Variants in TMEM117 observed in about 807,000 individuals in gnomAD.
TMEM117 encodes the protein transmembrane protein 117.
Under a neutral mutation model 52.4 loss-of-function variants are expected in TMEM117, and 27 were observed. The observed-to-expected ratio is 0.51, with a 90% CI of 0.38 to 0.71. TMEM117 has a LOEUF of 0.71. Ranked by LOEUF, TMEM117 falls within the 30% of genes least tolerant of loss-of-function variation. The pLI is 0.00. For synonymous variants in TMEM117, 215 were observed against 206.3 expected, an observed-to-expected ratio of 1.04 and a Z score of -0.36; for missense variants, 556 against 630.5, an observed-to-expected ratio of 0.88 and a Z score of 1.26.
At chr12:43,834,885 A>G (rs1224904845), upstream of TMEM117, among the ~76,000 whole-genome samples, 1 of 152,154 alleles carries the variant, frequency 6.6e-6, no homozygotes. Flanking sequence ...ATGCAGATAA[A>G]CTACCCTATG....
intron 2 of TMEM117, among the ~76,000 whole-genome samples, chr12:43,858,634 T>C (rs1943438440): frequency 6.6e-6 from 1 of 152,230 alleles, no homozygotes; most frequent in Non-Finnish European, 1.5e-5. Context: ...ATTCTTAGGC[T>C]ACTCCATGCT....
At chr12:43,912,156 A>C (rs1944515010) in intron 2 of TMEM117, among the ~76,000 whole-genome samples, 1 of 150,412 alleles carries the variant, frequency 6.6e-6, no homozygotes, top group Non-Finnish European at 1.5e-5. Context: ...ACCATGGAAT[A>C]CTATGCAGCC....
intron 3 of TMEM117, among the ~76,000 whole-genome samples, chr12:44,105,845 A>G (rs924736196): frequency 1.3e-5 from 2 of 152,042 alleles, no homozygotes; most frequent in Admixed American, 6.6e-5. Context: ...GCGCTCTGTC[A>G]TATTCCAAAA....
At chr12:43,895,041 C>T (rs1944174944) in intron 2 of TMEM117, among the ~76,000 whole-genome samples, 2 of 152,160 alleles carry the variant, frequency 1.3e-5, no homozygotes, top group South Asian at 4.1e-4. Context: ...AGATTTGTTA[C>T]ATAAGTAAAC....
At chr12:44,089,929 T>C (rs1010896126) in intron 3 of TMEM117, among the ~76,000 whole-genome samples, 1 of 152,188 alleles carries the variant, frequency 6.6e-6, no homozygotes, top group Non-Finnish European at 1.5e-5. Context: ...GTAATAATTA[T>C]TAACAAAGGA....
chr12:44,353,904 C>T lies in TMEM117; in HGVS notation c.769-22691C>T, dbSNP rs1160017594. On this transcript the variant is annotated intron_variant, in intron 6 of 7. Transcript: ENST00000266534. ...ACCTTGGGCAGTATGCCCATTTTCA[C>T]GATATTGATTCTTCCTACCCATGAG... Among the ~76,000 whole-genome samples the T allele has an allele frequency of 5.3e-5, 8 of 152,264 alleles. No individual in the cohort carries two copies. In the South Asian group the frequency reaches 1.2e-3, roughly 24 times the overall value.
At chr12:44,152,093 A>G (rs1482254793) in intron 4 of TMEM117, among the ~76,000 whole-genome samples, 1 of 113,592 alleles carries the variant, frequency 8.8e-6, no homozygotes, top group Non-Finnish European at 1.6e-5. Context: ...TATTATAAAC[A>G]TAAATATATA....
chr12:44,173,638 A>C (rs1010677112), intron 4 of TMEM117, among the ~76,000 whole-genome samples: 1 of 150,904 alleles, frequency 6.6e-6, no homozygotes, highest in African/African-American at 2.5e-5. Flanking sequence ...GGTTCTTAAT[A>C]TAGATAATAT....
intron 6 of TMEM117, among the ~76,000 whole-genome samples, chr12:44,373,016 T>A (rs1347692557): frequency 6.6e-6 from 1 of 152,248 alleles, no homozygotes; most frequent in African/African-American, 2.4e-5. Flanking sequence ...AAAAATGGGC[T>A]AATAATAGCA....
intron 1 of TMEM117, among the ~76,000 whole-genome samples, chr12:43,836,794 T>G (rs1943038574): frequency 6.6e-6 from 1 of 151,980 alleles, no homozygotes; most frequent in South Asian, 2.1e-4. Flanking sequence ...TGTGTATGTG[T>G]GTGTGGGTGT....
chr12:44,001,709 A>G (rs1946119444), intron 3 of TMEM117, among the ~76,000 whole-genome samples: 1 of 152,048 alleles, frequency 6.6e-6, no homozygotes, highest in Non-Finnish European at 1.5e-5. Flanking sequence ...GAGAGTGGCT[A>G]TCATCCAGGG....
At chr12:44,330,539 A>G (rs985033382) in intron 6 of TMEM117, among the ~76,000 whole-genome samples, 1 of 152,024 alleles carries the variant, frequency 6.6e-6, no homozygotes, top group African/African-American at 2.4e-5. Context: ...TTGATGAGAT[A>G]TTTTACATTT....
chr12:44,303,905 A>G lies in TMEM117; in HGVS notation c.768+4166A>G, dbSNP rs952354949. On this transcript the variant is annotated intron_variant, in intron 6 of 7. Transcript: ENST00000266534. ...ACACAATTTTTTAAAAAAGAGTTAA[A>G]ATATGTTTGTAAACAAAGGAAAAAA... 1.1e-4 allele frequency among the ~76,000 whole-genome samples: 17 copies of G among 152,234 alleles called. 1 individual carries two copies. Among genetic ancestry groups the G allele is most frequent in the Non-Finnish European group, 2.9e-5 (2 of 68,046 alleles).
At chr12:44,259,145 G>A (rs1950293436) in intron 5 of TMEM117, among the ~76,000 whole-genome samples, 1 of 152,074 alleles carries the variant, frequency 6.6e-6, no homozygotes, top group African/African-American at 2.4e-5. Context: ...TGCATAGGAG[G>A]TACAGCAGCT....
At chr12:44,068,280 CTT>C (rs762983211) in intron 3 of TMEM117, among the ~76,000 whole-genome samples, 7 of 152,190 alleles carry the variant, frequency 4.6e-5, no homozygotes, top group Non-Finnish European at 2.9e-5. Context: ...TGTAGTAACA[CTT>C]TTAATTTCCT....
intron 3 of TMEM117, among the ~76,000 whole-genome samples, chr12:44,124,135 A>G (rs1317648200): frequency 1.3e-5 from 2 of 152,068 alleles, no homozygotes; most frequent in Admixed American, 6.5e-5. Context: ...TGTTAGCTGT[A>G]TTCCTAAGTA....
intron 2 of TMEM117, among the ~76,000 whole-genome samples, chr12:43,939,040 A>C (rs7312373): frequency 0.16 from 24,271 of 151,846 alleles, 2,842 homozygotes; most frequent in African/African-American, 0.32. Flanking sequence ...AGAAAAGAAA[A>C]TGTGAGAAGG....
At chr12:43,860,321 C>G (rs1943467646) in intron 2 of TMEM117, among the ~76,000 whole-genome samples, 1 of 152,140 alleles carries the variant, frequency 6.6e-6, no homozygotes, top group South Asian at 2.1e-4. Flanking sequence ...TTTGTTCATT[C>G]AATAAACACT....
intron 5 of TMEM117, among the ~76,000 whole-genome samples, chr12:44,255,353 T>C (rs1055366540): frequency 3.3e-5 from 5 of 152,074 alleles, no homozygotes; most frequent in Non-Finnish European, 7.4e-5. Context: ...AAAGAAGACA[T>C]TTATGCAGCC....
Sources: gnomAD v4.1 joint callset for allele counts (sites outside exome capture counted in the v4.1 genomes callset) on GRCh38, gnomAD v4.1.1 for gene constraint, MANE v1.5 for transcripts, NCBI Gene and HGNC (gene_info 2026-07-23, HGNC 2026-07-21) for gene names.